Variants in CDH18 observed in about 807,000 individuals in gnomAD.
The protein encoded by CDH18 is cadherin-18.
A neutral mutation model predicts 67.9 loss-of-function variants in CDH18; 31 were observed. The observed-to-expected ratio is 0.46, with a 90% CI of 0.34 to 0.62. The LOEUF (loss-of-function observed/expected upper bound fraction) is 0.62, where lower values mean the gene tolerates loss of function less well. Among genes scored for constraint, CDH18 ranks in the 20% least tolerant of loss-of-function variants. The pLI is 0.01. For missense variants in CDH18, 890 were observed against 975.5 expected (o/e 0.91, Z 1.17); for synonymous variants, 362 against 347.2 (o/e 1.04, Z -0.48).
chr5:20,494,732 C>T (rs564735717), intron 1 of CDH18, among the ~76,000 whole-genome samples: 1 of 152,238 alleles, frequency 6.6e-6, no homozygotes, highest in East Asian at 1.9e-4. Flanking sequence ...TCTTGATGGG[C>T]TTTCTATGGC....
intron 2 of CDH18, among the ~76,000 whole-genome samples, chr5:20,170,400 C>A (rs1044642936): frequency 6.6e-6 from 1 of 151,990 alleles, no homozygotes; most frequent in Non-Finnish European, 1.5e-5. Flanking sequence ...TGTATATGTA[C>A]CACATTTTCT....
chr5:20,031,679 C>G (rs377667546), intron 2 of CDH18, among the ~76,000 whole-genome samples: 1 of 152,020 alleles, frequency 6.6e-6, no homozygotes, highest in African/African-American at 2.4e-5. Context: ...TCTAGAGCAG[C>G]AACTCCGGAG....
At chr5:19,808,781 C>T (rs974409969) in intron 3 of CDH18, among the ~76,000 whole-genome samples, 5 of 130,380 alleles carry the variant, frequency 3.8e-5, no homozygotes, top group East Asian at 2.3e-4. Context: ...TGGTGAGCCA[C>T]GAGAGCGCCA....
chr5:19,628,135 G>A (rs1196063757), intron 5 of CDH18, among the ~76,000 whole-genome samples: 1 of 152,102 alleles, frequency 6.6e-6, no homozygotes, highest in Non-Finnish European at 1.5e-5. Context: ...TTCTTATGTA[G>A]TGACTAAGTC....
chr5:19,554,336 A>AT (rs895962462), intron 8 of CDH18, among the ~76,000 whole-genome samples: 2 of 152,160 alleles, frequency 1.3e-5, no homozygotes, highest in South Asian at 2.1e-4. Flanking sequence ...CCTTATTAGA[A>AT]TTTTTTTATT....
chr5:19,749,753 G>A (rs542592752), intron 3 of CDH18, among the ~76,000 whole-genome samples: 2 of 150,668 alleles, frequency 1.3e-5, no homozygotes, highest in Non-Finnish European at 3.0e-5. Flanking sequence ...GTAATTTTAG[G>A]GCTATCAATT....
At chr5:20,284,237 A>C (rs974384242) in intron 1 of CDH18, among the ~76,000 whole-genome samples, 1 of 152,032 alleles carries the variant, frequency 6.6e-6, no homozygotes, top group South Asian at 2.1e-4. Flanking sequence ...TAAACAACTA[A>C]AAGGATATAA....
intron 2 of CDH18, among the ~76,000 whole-genome samples, chr5:19,898,411 T>C (rs1006682720): frequency 1.2e-4 from 19 of 152,150 alleles, no homozygotes; most frequent in Admixed American, 3.3e-4. Context: ...ATATAGGCAA[T>C]ATTTTCCAAA....
chr5:20,374,222 C>A (rs911767452), intron 1 of CDH18, among the ~76,000 whole-genome samples: 15 of 152,148 alleles, frequency 9.9e-5, no homozygotes, highest in Middle Eastern at 3.2e-3. Flanking sequence ...CCAACTACCT[C>A]AACTCAGGCT....
chr5:19,779,090 T>A (rs1428562337), intron 3 of CDH18, among the ~76,000 whole-genome samples: 1 of 152,118 alleles, frequency 6.6e-6, no homozygotes, highest in East Asian at 1.9e-4. Flanking sequence ...ACTTTAAAAA[T>A]TTTTATATTA....
chr5:20,053,821 C>G (rs1308531902), intron 2 of CDH18, among the ~76,000 whole-genome samples: 1 of 152,084 alleles, frequency 6.6e-6, no homozygotes, highest in African/African-American at 2.4e-5. Flanking sequence ...TAAAGTAAGT[C>G]AAGCCATGCC....
chr5:20,096,734 A>G (rs1005732255), intron 2 of CDH18, among the ~76,000 whole-genome samples: 3 of 152,176 alleles, frequency 2.0e-5, no homozygotes, highest in African/African-American at 7.2e-5. Context: ...CAATAACAAA[A>G]TGCTAATAAA....
chr5:19,510,756 A>C (rs975080782), intron 10 of CDH18, among the ~76,000 whole-genome samples: 1 of 151,910 alleles, frequency 6.6e-6, no homozygotes, highest in Non-Finnish European at 1.5e-5. Flanking sequence ...TAATTGGATC[A>C]TGAGGGTGGC....
intron 2 of CDH18, among the ~76,000 whole-genome samples, chr5:20,019,042 C>T (rs890826598): frequency 2.0e-5 from 3 of 151,644 alleles, no homozygotes; most frequent in African/African-American, 4.9e-5. Flanking sequence ...CGTGATCCGC[C>T]CATCTCGGCC....
At chr5:19,655,332 C>A (rs1756201115) in intron 5 of CDH18, among the ~76,000 whole-genome samples, 1 of 151,786 alleles carries the variant, frequency 6.6e-6, no homozygotes, top group Admixed American at 6.6e-5. Context: ...TTAATATCAA[C>A]CTTTGCATTT....
chr5:20,241,665 T>C (rs1046551638), intron 2 of CDH18, among the ~76,000 whole-genome samples: 2 of 151,520 alleles, frequency 1.3e-5, no homozygotes, highest in Admixed American at 1.3e-4. Flanking sequence ...TCCTGGCTAA[T>C]ATGGTGAAAC....
chr5:19,699,766 T>C (rs1043402806), intron 5 of CDH18, among the ~76,000 whole-genome samples: 1 of 152,020 alleles, frequency 6.6e-6, no homozygotes, highest in Admixed American at 6.6e-5. Flanking sequence ...TGCAATAATC[T>C]TGGACTTCCC....
At chr5:20,542,541 T>G (rs1392491209) in intron 1 of CDH18, among the ~76,000 whole-genome samples, 1 of 151,694 alleles carries the variant, frequency 6.6e-6, no homozygotes. Context: ...TATATGCATA[T>G]GGATATATAT....
At chr5:20,453,401 C>T (rs1750607185) in intron 1 of CDH18, among the ~76,000 whole-genome samples, 1 of 152,082 alleles carries the variant, frequency 6.6e-6, no homozygotes, top group African/African-American at 2.4e-5. Flanking sequence ...AACTAACAGG[C>T]TACAAGTCCA....
Sources: allele counts gnomAD v4.1 joint callset (sites outside exome capture counted in the v4.1 genomes callset), GRCh38; gene constraint gnomAD v4.1.1; transcripts MANE v1.5; gene names NCBI Gene and HGNC (gene_info 2026-07-23, HGNC 2026-07-21).